Variants in SYT1 observed in about 807,000 individuals in gnomAD.
SYT1 encodes synaptotagmin 1.
A neutral mutation model predicts 44.8 loss-of-function variants in SYT1; 8 were observed. That is an observed-to-expected ratio of 0.18 (90% CI 0.10 to 0.32). The LOEUF is 0.32. SYT1 is among the 10% of genes least tolerant of loss of function. The probability of loss-of-function intolerance (pLI) is 1.00; values close to 1 mark genes in which losing one functional copy is unlikely to be tolerated. For synonymous variants in SYT1, 154 were observed against 188.8 expected (o/e 0.82, Z 1.51); for missense variants, 286 against 509.3 (o/e 0.56, Z 4.22).
At chr12:79,065,922 T>C (rs1427534840) in intron 3 of SYT1, among the ~76,000 whole-genome samples, 2 of 152,074 alleles carry the variant, frequency 1.3e-5, no homozygotes, top group East Asian at 3.9e-4. Context: ...AGAGGAAAGT[T>C]AGTGCCCTAG....
intron 3 of SYT1, among the ~76,000 whole-genome samples, chr12:79,123,174 G>T (rs1442168866): frequency 6.6e-6 from 1 of 150,452 alleles, no homozygotes; most frequent in Non-Finnish European, 1.5e-5. Flanking sequence ...AGAAGCCAGT[G>T]GATTTCTAGA....
At chr12:78,956,854 G>C (rs2137318998) in intron 1 of SYT1, among the ~76,000 whole-genome samples, 1 of 152,176 alleles carries the variant, frequency 6.6e-6, no homozygotes, top group African/African-American at 2.4e-5. Flanking sequence ...CAGTTAAATG[G>C]AGTCTATTTT....
At chr12:78,955,036 G>C (rs541216764) in intron 1 of SYT1, among the ~76,000 whole-genome samples, 5 of 152,074 alleles carry the variant, frequency 3.3e-5, no homozygotes, top group Non-Finnish European at 7.4e-5. Context: ...CTGAGTTCAT[G>C]TGCCTTTTGA....
chr12:79,231,927 T>G (rs1875892046), intron 4 of SYT1, among the ~76,000 whole-genome samples: 1 of 152,110 alleles, frequency 6.6e-6, no homozygotes, highest in African/African-American at 2.4e-5. Context: ...CTAACCGAGG[T>G]TCAGGAGAAC....
intron 8 of SYT1, among the ~76,000 whole-genome samples, chr12:79,312,369 G>A (rs747939530): frequency 6.6e-6 from 1 of 152,174 alleles, no homozygotes; most frequent in Non-Finnish European, 1.5e-5. Flanking sequence ...TCAGTGAAAA[G>A]TACATTAGCA....
rs1344126664 is a variant in SYT1, at chr12:79,343,166, C to G, written c.811-10336C>G. Among the ~76,000 whole-genome samples, 3 of 151,784 alleles carry G rather than the reference C, an allele frequency of 2.0e-5. No homozygotes were observed. In the East Asian group the frequency reaches 5.8e-4, roughly 29 times the overall value. Reference sequence around the variant, plus strand: ...TGAGACCTGCAAAATATTAATGGTTCGGTAATATGGATGTCATTTGAAATC... The same window carrying G: ...TGAGACCTGCAAAATATTAATGGTTGGGTAATATGGATGTCATTTGAAATC... On this transcript the variant is annotated intron_variant, in intron 8 of 10. Coordinates refer to ENST00000261205, the MANE Select transcript of SYT1 (RefSeq NM_005639.3).
rs531727043 is a variant in SYT1 at position 79,408,703 on chromosome 12, C to T, written c.929-35370C>T. 2.5e-4 allele frequency among the ~76,000 whole-genome samples: 38 copies of T among 151,202 alleles called. No individual in the cohort carries two copies. In the South Asian group the frequency reaches 3.1e-3, roughly 13 times the overall value. On this transcript the variant is annotated intron_variant, in intron 9 of 10. Transcript: ENST00000261205. The stretch of plus-strand genomic sequence containing the variant: ...TCCTGGCGCCTCCAAATTTCCTAGA[C>T]CACATTTTTTTCTTTCCTTTTCTTT...
chr12:79,101,945 A>G (rs1449238921), intron 3 of SYT1, among the ~76,000 whole-genome samples: 2 of 149,812 alleles, frequency 1.3e-5, no homozygotes, highest in South Asian at 4.3e-4. Context: ...TTAATAAAAT[A>G]AAAGATATTA....
intron 3 of SYT1, among the ~76,000 whole-genome samples, chr12:79,182,168 T>G (rs936046613): frequency 1.3e-5 from 2 of 152,120 alleles, no homozygotes; most frequent in Admixed American, 1.3e-4. Context: ...GTAATCCAGC[T>G]TCCACTTCAT....
intron 4 of SYT1, among the ~76,000 whole-genome samples, chr12:79,237,372 A>C (rs891615873): frequency 6.6e-6 from 1 of 152,208 alleles, no homozygotes; most frequent in Non-Finnish European, 1.5e-5. Context: ...GTAAGACTAC[A>C]CAGAGGGGGA....
At chr12:79,372,844 A>C (rs1026261416) in intron 9 of SYT1, among the ~76,000 whole-genome samples, 3 of 149,494 alleles carry the variant, frequency 2.0e-5, no homozygotes, top group Non-Finnish European at 4.4e-5. Context: ...ATAGTTGTCC[A>C]TCAGCACGCA....
At chr12:79,264,090 G>T (rs559228038) in intron 4 of SYT1, among the ~76,000 whole-genome samples, 33 of 151,946 alleles carry the variant, frequency 2.2e-4, no homozygotes, top group African/African-American at 7.7e-4. Flanking sequence ...TTTTTCCAAG[G>T]ATTTTTTGGG....
At chr12:78,934,118 A>G (rs1271406703) in intron 1 of SYT1, among the ~76,000 whole-genome samples, 4 of 151,656 alleles carry the variant, frequency 2.6e-5, no homozygotes, top group Middle Eastern at 3.2e-3. Flanking sequence ...GTGTATATAC[A>G]TATGTGTGTG....
chr12:78,883,775 A>G (rs536438953), intron 1 of SYT1, among the ~76,000 whole-genome samples: 3 of 151,620 alleles, frequency 2.0e-5, no homozygotes, highest in East Asian at 3.9e-4. Context: ...TCTATTTTTA[A>G]CCACTTCTTC....
chr12:78,870,256 G>T (rs1873750215), intron 1 of SYT1, among the ~76,000 whole-genome samples: 1 of 152,026 alleles, frequency 6.6e-6, no homozygotes, highest in Non-Finnish European at 1.5e-5. Flanking sequence ...TTAGCTAAGT[G>T]CCTCAGTTAG....
At chr12:78,925,530 A>G (rs12582146) in intron 1 of SYT1, among the ~76,000 whole-genome samples, 13,026 of 151,848 alleles carry the variant, frequency 0.086, 643 homozygotes, top group East Asian at 0.18. Context: ...CATGCTTGTT[A>G]GTTTTCTATT....
intron 3 of SYT1, among the ~76,000 whole-genome samples, chr12:79,200,154 C>T (rs562062135): frequency 2.0e-5 from 3 of 152,146 alleles, no homozygotes; most frequent in African/African-American, 4.8e-5. Flanking sequence ...AAGAAAGTAC[C>T]TTAACAAATC....
At chr12:79,296,297 A>T in intron 7 of SYT1, 61 bp downstream of exon 7, 1 of 1,500,964 alleles carries the variant, frequency 6.7e-7, no homozygotes. Context: ...GACTGATCTC[A>T]TCCTGACACA....
chr12:79,440,127 A>C (rs750787152), intron 9 of SYT1, among the ~76,000 whole-genome samples: 4 of 152,146 alleles, frequency 2.6e-5, no homozygotes, highest in Non-Finnish European at 5.9e-5. Context: ...CTGAGGAGGG[A>C]GAATCGCTTG....
Sources: allele counts gnomAD v4.1 joint callset (sites outside exome capture counted in the v4.1 genomes callset), GRCh38; gene constraint gnomAD v4.1.1; transcripts MANE v1.5; gene names NCBI Gene and HGNC (gene_info 2026-07-23, HGNC 2026-07-21).